The following EDA variants were observed in gnomAD, a reference collection of about 807,000 sequenced individuals.
EDA encodes the protein ectodysplasin A, also known as ectodysplasin-A.
EDA carries 2 observed loss-of-function variants against 23.6 expected under a neutral mutation model. The ratio of observed to expected loss-of-function variants is 0.08; its 90% CI spans 0.03 to 0.27. The LOEUF (loss-of-function observed/expected upper bound fraction) is 0.27, where lower values mean the gene tolerates loss of function less well. Ranked by LOEUF, EDA falls within the 10% of genes least tolerant of loss-of-function variation. EDA has a pLI of 1.00. For synonymous variants in EDA, 131 were observed against 132.0 expected, an observed-to-expected ratio of 0.99 and a Z score of 0.05; for missense variants, 229 against 324.2, an observed-to-expected ratio of 0.71 and a Z score of 2.26.
At chrX:69,708,029 C>G (rs1324395767) in intron 1 of EDA, among the ~76,000 whole-genome samples, 1 of 112,123 alleles carries the variant, frequency 8.9e-6, no homozygotes, top group Non-Finnish European at 1.9e-5. Context: ...ATAATGGGCT[C>G]TGTTGGGTAC....
chrX:69,870,048 C>G (rs1381989506), intron 1 of EDA, among the ~76,000 whole-genome samples: 2 of 111,982 alleles, frequency 1.8e-5, no homozygotes, highest in Non-Finnish European at 1.9e-5. Context: ...CCCAATCTCC[C>G]TAAGCCTTTG....
rs139136512 is a variant in EDA at position 69,721,743 on chromosome X, C to A, written c.396+105039C>A. Among the ~76,000 whole-genome samples, 635 of 111,354 alleles carry A rather than the reference C, an allele frequency of 5.7e-3. 2 individuals carry two copies. Among genetic ancestry groups the A allele is most frequent in the African/African-American group, 0.02 (609 of 30,646 alleles). On this transcript the variant is annotated intron_variant, in intron 1 of 7. Coordinates refer to ENST00000374552, the MANE Select transcript of EDA (RefSeq NM_001399.5). ...TGGAGTATGGGGATGCAAGATATCC[C>A]ATAGCTTTGCTGTTCTTCCATTCTA...
chrX:69,891,989 G>T (rs774151371), intron 1 of EDA, among the ~76,000 whole-genome samples: 1 of 111,792 alleles, frequency 8.9e-6, no homozygotes, highest in Non-Finnish European at 1.9e-5. Context: ...TTTTCATGTG[G>T]TGATCTTTAG....
At chrX:69,792,324 G>A (rs1414514961) in intron 1 of EDA, among the ~76,000 whole-genome samples, 1 of 112,140 alleles carries the variant, frequency 8.9e-6, no homozygotes. Context: ...GATGAGTGGT[G>A]TTCCATGGTG....
At chrX:69,909,263 A>G (rs1339749043) in intron 1 of EDA, among the ~76,000 whole-genome samples, 3 of 111,382 alleles carry the variant, frequency 2.7e-5, no homozygotes, top group East Asian at 5.6e-4. Context: ...ACCTTCTACA[A>G]TTATTTGGGT....
chrX:69,873,768 T>A (rs1207971701), intron 1 of EDA, among the ~76,000 whole-genome samples: 1 of 112,024 alleles, frequency 8.9e-6, no homozygotes, highest in Admixed American at 9.5e-5. Context: ...GAATTGGTAC[T>A]AATCCTATGG....
intron 1 of EDA, among the ~76,000 whole-genome samples, chrX:69,668,339 A>G (rs1054617592): frequency 8.0e-5 from 9 of 111,812 alleles, no homozygotes; most frequent in Non-Finnish European, 1.5e-4. Context: ...TATGATTTCA[A>G]TCTTTCTCAA....
At chrX:69,899,931 G>A (rs949237945) in intron 1 of EDA, among the ~76,000 whole-genome samples, 24 of 111,002 alleles carry the variant, frequency 2.2e-4, no homozygotes, top group African/African-American at 7.8e-4. Context: ...CAGACTGCCC[G>A]GATTTGAATC....
In EDA at chrX:69,776,665, G is replaced by A. The variant is rs915706330; in HGVS notation, c.396+159961G>A. Reference sequence around the variant, plus strand: ...CATAGCCCTGAAGAAGAGGGGAGCTGTGGCCTTCCTAATCATCTGCCTATC... The same window carrying A: ...CATAGCCCTGAAGAAGAGGGGAGCTATGGCCTTCCTAATCATCTGCCTATC... On this transcript the variant is annotated intron_variant, in intron 1 of 7. Coordinates refer to ENST00000374552, the MANE Select transcript of EDA (RefSeq NM_001399.5). 3.6e-5 allele frequency among the ~76,000 whole-genome samples: 4 copies of A among 111,395 alleles called. 1 individual carries two copies. Among genetic ancestry groups the A allele is most frequent in the Admixed American group, 9.6e-5 (1 of 10,412 alleles).
chrX:69,831,024 T>C (rs1304531277), intron 1 of EDA, among the ~76,000 whole-genome samples: 2 of 111,761 alleles, frequency 1.8e-5, no homozygotes, highest in African/African-American at 6.5e-5. Flanking sequence ...TGTTTACCTT[T>C]ATTTTACCCA....
chrX:69,740,165 T>C (rs1163478835), intron 1 of EDA, among the ~76,000 whole-genome samples: 2 of 111,156 alleles, frequency 1.8e-5, no homozygotes, highest in African/African-American at 6.5e-5. Context: ...TTAAATTAGT[T>C]CAAAGAAGAA....
intron 1 of EDA, among the ~76,000 whole-genome samples, chrX:69,799,626 G>A (rs1390715210): frequency 1.8e-5 from 2 of 108,261 alleles, no homozygotes; most frequent in African/African-American, 6.7e-5. Context: ...CTAATCACTG[G>A]GGAAATGTAA....
chrX:69,849,016 T>C (rs1406229882), intron 1 of EDA, among the ~76,000 whole-genome samples: 3 of 62,241 alleles, frequency 4.8e-5, no homozygotes, highest in Admixed American at 4.6e-4. Flanking sequence ...CACTGAAGAA[T>C]AGGAATTCAT....
At chrX:69,758,849 T>G (rs2014208924) in intron 1 of EDA, among the ~76,000 whole-genome samples, 1 of 111,672 alleles carries the variant, frequency 9.0e-6, no homozygotes, top group African/African-American at 3.3e-5. Flanking sequence ...AAAATAAAAA[T>G]AAAAAAGACA....
Position 69,616,202 on chromosome X carries a change from C to A in EDA, c.-107C>A. 5.1e-6 allele frequency: 5 copies of A among 987,890 alleles called. No individual in the cohort carries two copies. The highest frequency in any genetic ancestry group is 3.8e-4 in the Middle Eastern group (1 of 2,644). 81.4% of individuals were successfully genotyped at this position (987,890 alleles called of 1,213,427 possible). On this transcript the variant is annotated 5_prime_UTR_variant, in exon 1 of 8. Coordinates refer to ENST00000374552, the MANE Select transcript of EDA (RefSeq NM_001399.5). The stretch of plus-strand genomic sequence containing the variant: ...ACTGTCGCGCAGGAACGGGTCCCTG[C>A]AGCCCCCAGCCGATGGCAGGACAGT...
At chrX:69,654,484 A>G (rs1186887464) in intron 1 of EDA, among the ~76,000 whole-genome samples, 1 of 111,829 alleles carries the variant, frequency 8.9e-6, no homozygotes, top group African/African-American at 3.3e-5. Flanking sequence ...GCTGCTATAA[A>G]GACACATGCA....
intron 2 of EDA, among the ~76,000 whole-genome samples, chrX:69,982,355 C>T (rs1015496849): frequency 9.9e-4 from 110 of 111,303 alleles, no homozygotes; most frequent in Non-Finnish European, 1.5e-3. Context: ...ACACAAAGGG[C>T]TTTACAAACC....
intron 2 of EDA, among the ~76,000 whole-genome samples, chrX:70,007,852 CTAAG>C (rs1356521645): frequency 9.0e-6 from 1 of 110,902 alleles, no homozygotes; most frequent in Non-Finnish European, 1.9e-5. Flanking sequence ...AGATTTATAC[CTAAG>C]TATTTCTCTA....
chrX:69,853,340 T>C (rs1338743066), intron 1 of EDA, among the ~76,000 whole-genome samples: 1 of 111,430 alleles, frequency 9.0e-6, no homozygotes, highest in East Asian at 2.8e-4. Context: ...TGAAATAAAT[T>C]ATACAGAATG....
Sources: gnomAD v4.1 joint callset for allele counts (sites outside exome capture counted in the v4.1 genomes callset) on GRCh38, gnomAD v4.1.1 for gene constraint, MANE v1.5 for transcripts, NCBI Gene and HGNC (gene_info 2026-07-23, HGNC 2026-07-21) for gene names.